The following HSPBP1 variants were observed in gnomAD, a reference collection of about 807,000 sequenced individuals.
HSPBP1 encodes hsp70-binding protein 1.
A neutral mutation model predicts 41.7 loss-of-function variants in HSPBP1; 31 were observed. That is an observed-to-expected ratio of 0.74 (90% confidence interval 0.56 to 1.00). HSPBP1 has a LOEUF of 1.00. Among genes scored for constraint, HSPBP1 ranks in the 50% least tolerant of loss-of-function variants. The pLI is 0.00. For synonymous variants in HSPBP1, 199 were observed against 214.4 expected (o/e 0.93, Z 0.63); for missense variants, 439 against 487.9 (o/e 0.90, Z 0.94).
chr19:55,277,711 C>T lies in HSPBP1; in HGVS notation c.346G>A (p.Asp116Asn), dbSNP rs113376650. Residue 116 changes from aspartate (D) to asparagine (N), a missense_variant, in exon 3 of 8, where the codon GAC becomes AAC. Asp to Asn is a conservative substitution (Grantham distance 23). Coordinates refer to ENST00000433386, the MANE Select transcript of HSPBP1 (RefSeq NM_012267.5). ...PTAGEAEQAA[D>N]QQEREGALEL... ...AGGGCCCCCTCTCGCTCTTGCTGGT[C>T]GGCCGCCTGCTCGGCCTCCCCAGCA... The T allele has an allele frequency of 4.2e-4, 668 of 1,604,392 alleles. 3 individuals are homozygous for T. In the African/African-American group the frequency reaches 6.6e-3, roughly 16 times the overall value.
chr19:55,262,486 C>A lies in HSPBP1; in HGVS notation c.*122G>T. The A allele has an allele frequency of 6.7e-7, 1 of 1,491,572 alleles. No individual in the cohort carries two copies. The highest frequency in any genetic ancestry group is 1.3e-5 in the South Asian group (1 of 75,542). 92.4% of individuals were successfully genotyped at this position (1,491,572 alleles called of 1,614,324 possible). Reference sequence around the variant, plus strand: ...CTTCCAGGGACTGCACAGAGACGGGCTGGCACACCCTGGGTCCAGGCACCT... The same window carrying A: ...CTTCCAGGGACTGCACAGAGACGGGATGGCACACCCTGGGTCCAGGCACCT... On this transcript the variant is annotated 3_prime_UTR_variant, in exon 8 of 8. Coordinates refer to ENST00000433386, the MANE Select transcript of HSPBP1 (RefSeq NM_012267.5).
rs1470956185 is a variant in HSPBP1, at chr19:55,272,372, G to C, written c.640+2026C>G. ...CTCGGGGACCTTGCAGCATATGAAAGGAGCCAGGCAGAAAAGGCCTCACGG... is the reference window on the plus strand; with the variant it reads ...CTCGGGGACCTTGCAGCATATGAAACGAGCCAGGCAGAAAAGGCCTCACGG... On this transcript the variant is annotated intron_variant, in intron 4 of 7. Transcript: ENST00000433386. The surrounding 1 kb of genome is among the most constrained non-coding windows in gnomAD (Gnocchi z 4.2). Among the ~76,000 whole-genome samples, 1 of 152,178 alleles carries C rather than the reference G, an allele frequency of 6.6e-6. No homozygotes were observed. The highest frequency in any genetic ancestry group is 2.4e-5 in the African/African-American group (1 of 41,462).
chr19:55,266,306 C>A lies in HSPBP1; in HGVS notation c.641-20G>T. On this transcript the variant is annotated intron_variant, in intron 4 of 7. Transcript: ENST00000433386. ...CCAGACCTGGGAGAGGGGGAAAGGT[C>A]CTGAGCTTGCAGTCACCACCACCAC... 1 of 1,552,414 alleles carries A rather than the reference C, an allele frequency of 6.4e-7. No individual in the cohort carries two copies. Among genetic ancestry groups the A allele is most frequent in the Non-Finnish European group, 8.7e-7 (1 of 1,147,290 alleles).
chr19:55,266,901 T>C (rs972702258), intron 4 of HSPBP1, among the ~76,000 whole-genome samples: 3 of 152,170 alleles, frequency 2.0e-5, no homozygotes, highest in African/African-American at 7.2e-5. Context: ...ACAGATATAC[T>C]TTCTTCCTTT....
chr19:55,271,577 G>A lies in HSPBP1; in HGVS notation c.640+2821C>T, dbSNP rs541524569. Among the ~76,000 whole-genome samples the A allele has an allele frequency of 1.2e-4, 19 of 152,098 alleles. No individual in the cohort carries two copies. In the South Asian group the frequency reaches 2.9e-3, roughly 23 times the overall value. ...CCTCATCAGAATGCTTCCTTCTTCC[G>A]GAATCTCCTCCTACCCAAACCCTCC... On this transcript the variant is annotated intron_variant, in intron 4 of 7. Coordinates refer to ENST00000433386, the MANE Select transcript of HSPBP1 (RefSeq NM_012267.5).
chr19:55,265,344 C>T lies in HSPBP1; in HGVS notation c.939G>A (p.Pro313=), dbSNP rs367906731. Residue 313 remains proline (P), a synonymous_variant, in exon 7 of 8, where the codon CCG becomes CCA. Transcript: ENST00000433386. ...FPQGVRECRE[P]ELGLEELLRH... ...GGAGGAGCTCCTCCAGGCCCAGTTC[C>T]GGCTCCCGACACTCGCGCACACCCT... is the stretch of plus-strand genomic sequence containing the variant. 6.8e-6 allele frequency: 11 copies of T among 1,613,266 alleles called. No individual in the cohort carries two copies. Among genetic ancestry groups the T allele is most frequent in the African/African-American group, 2.7e-5 (2 of 74,912 alleles).
At position 55,274,448 on chromosome 19, in the gene HSPBP1, T is replaced by C; in HGVS notation, c.590A>G (p.Asp197Gly). Residue 197 changes from aspartate (D) to glycine (G), a missense_variant, in exon 4 of 8, where the codon GAC (aspartate) becomes GGC (glycine). Coordinates refer to ENST00000433386, the MANE Select transcript of HSPBP1 (RefSeq NM_012267.5). ...GALRKLLRLL[D>G]RDACDTVRVK... ...GCGCACCGTGTCGCAGGCGTCGCGG[T>C]CCAGCAGCCGCAGCAGCTTACGCAG... 2 of 1,539,000 alleles carry C rather than the reference T, an allele frequency of 1.3e-6. No homozygotes were observed. The highest frequency in any genetic ancestry group is 8.8e-7 in the Non-Finnish European group (1 of 1,139,602).
intron 7 of HSPBP1, among the ~76,000 whole-genome samples, chr19:55,263,094 A>G (rs769312522): frequency 5.6e-4 from 85 of 152,248 alleles, no homozygotes; most frequent in Admixed American, 1.8e-3. Context: ...AGGTTGGAGA[A>G]AAATATTTGT....
rs1420064015 is a variant in HSPBP1, at chr19:55,272,832, C to CT, written c.640+1565dup. Among the ~76,000 whole-genome samples, 2 of 124,734 alleles carry CT rather than the reference C, an allele frequency of 1.6e-5. No homozygotes were observed. Among genetic ancestry groups the CT allele is most frequent in the African/African-American group, 6.5e-5 (2 of 30,776 alleles). The allele number at this position is 124,734 out of a possible 152,430, so 81.8% of individuals were successfully genotyped here. A position where few individuals can be genotyped will look rare whatever the true frequency, so the allele number is the denominator to read the frequency against. ...CAGCCTGGGTGACAAGAGCGAGACT[C>CT]TGTCTCAAAAAAAAAAAAAAGAAAG... On this transcript the variant is annotated intron_variant, in intron 4 of 7. Coordinates refer to ENST00000433386, the MANE Select transcript of HSPBP1 (RefSeq NM_012267.5). This position sits in a 1 kb window ranked among gnomAD's most constrained non-coding sequence, Gnocchi z 4.2.
In HSPBP1 at chr19:55,270,939, C is replaced by G. The variant is rs2087908740; in HGVS notation, c.640+3459G>C. ...ACACACCACACAACCCATGTACACG[C>G]TACACTAACACACGACACGCCAAAC... On this transcript the variant is annotated intron_variant, in intron 4 of 7. Transcript: ENST00000433386. This position sits in a 1 kb window ranked among gnomAD's most constrained non-coding sequence, Gnocchi z 5.4. Among the ~76,000 whole-genome samples, 1 of 150,802 alleles carries G rather than the reference C, an allele frequency of 6.6e-6. No homozygotes were observed.
rs1234720490 is a variant in HSPBP1 at position 55,265,878 on chromosome 19, CAA to C, written c.893+6_893+7del. ...CCCAGGCCCCGTCCTCTCAAGGAGC[CAA>C]AGTACCTGCACAGGGCTCCAAGCAC... On this transcript the variant is annotated splice_donor_region_variant and intron_variant, in intron 6 of 7. Coordinates refer to ENST00000433386, the MANE Select transcript of HSPBP1 (RefSeq NM_012267.5). 6.3e-7 allele frequency: 1 copy of C among 1,596,832 alleles called. No individual in the cohort carries two copies. The highest frequency in any genetic ancestry group is 1.1e-5 in the South Asian group (1 of 88,350).
At chr19:55,271,614 C>T (rs2087925632) in intron 4 of HSPBP1, among the ~76,000 whole-genome samples, 2 of 152,192 alleles carry the variant, frequency 1.3e-5, no homozygotes, top group Admixed American at 1.3e-4. Flanking sequence ...TGTTCTCCTC[C>T]CAGCCTCTGC....
Position 55,279,534 on chromosome 19 carries a change from C to T in HSPBP1, c.75G>A (p.Gly25=), listed in dbSNP as rs756527794. The change falls in exon 2 of 8, where the codon GGG becomes GGA. Residue 25 remains glycine, a synonymous_variant. Coordinates refer to ENST00000433386, the MANE Select transcript of HSPBP1 (RefSeq NM_012267.5). ...CAGCCGAGGAGCCGCCGCCGCCGCC[C>T]CCTGAAGAGCAACCCTGGGAGGCCG... ...LPPASQGCSS[G]GGGGGSSAGG... is the part of the protein sequence containing the mutation. 372 of 987,562 alleles carry T rather than the reference C, an allele frequency of 3.8e-4. 5 individuals carry two copies. The South Asian group carries it at 5.4e-3, about 14-fold the overall frequency. The allele number at this position is 987,562 out of a possible 1,614,324, so 61.2% of individuals were successfully genotyped here. A position where few individuals can be genotyped will look rare whatever the true frequency, so the allele number is the denominator to read the frequency against.
chr19:55,266,368 AACCACCATCACCAACATCATCATC>A (rs1466356842), intron 4 of HSPBP1, 82 bp from the exon 5 acceptor site: 75 of 1,169,236 alleles, frequency 6.4e-5, no homozygotes, highest in Non-Finnish European at 1.9e-5. Context: ...ACATCATCAC[AACCACCATCACCAACATCATCATC>A]ACCACCATCA....
intron 4 of HSPBP1, among the ~76,000 whole-genome samples, chr19:55,267,293 G>C (rs1036875131): frequency 6.6e-6 from 1 of 152,128 alleles, no homozygotes; most frequent in Non-Finnish European, 1.5e-5. Context: ...TGGGATTATA[G>C]TAACCTGCCA....
Position 55,274,521 on chromosome 19 carries a change from T to C in HSPBP1, c.517A>G (p.Ser173Gly), listed in dbSNP as rs779704098. 1 of 1,606,780 alleles carries C rather than the reference T, an allele frequency of 6.2e-7. No homozygotes were observed. Among genetic ancestry groups the C allele is most frequent in the African/African-American group, 1.3e-5 (1 of 74,852 alleles). ...WRAAQLIGTC[S>G]QNVAAIQEQV... ...TCCTGGATGGCTGCCACGTTCTGAC[T>C]GCACGTGCCGATGAGCTGTGCCGCC... The change falls in exon 4 of 8, where the codon AGT becomes GGT. Residue 173 changes from serine (S) to glycine (G), a missense_variant. Transcript: ENST00000433386.
In HSPBP1 at chr19:55,272,652, C is replaced by A. The variant is rs1022803077; in HGVS notation, c.640+1746G>T. ...GGTCAGGAGGTTGAGACCAGCCTGG[C>A]CAACAGGGTGAAACCCCGTCTCTAC... On this transcript the variant is annotated intron_variant, in intron 4 of 7. Transcript: ENST00000433386. This position sits in a 1 kb window ranked among gnomAD's most constrained non-coding sequence, Gnocchi z 4.2. 6.6e-6 allele frequency among the ~76,000 whole-genome samples: 1 copy of A among 151,864 alleles called. No homozygotes were observed. Among genetic ancestry groups the A allele is most frequent in the African/African-American group, 2.4e-5 (1 of 41,352 alleles).
intron 2 of HSPBP1, among the ~76,000 whole-genome samples, chr19:55,278,849 G>A (rs1248049476): frequency 6.6e-6 from 1 of 151,604 alleles, no homozygotes; most frequent in Non-Finnish European, 1.5e-5. Flanking sequence ...GGAAGTCAGA[G>A]GTTGCAGTGA....
chr19:55,274,346 C>CCCCCCCCCCCCCCCCCCCCCCCCCCAG, intron 4 of HSPBP1, 52 bp downstream of exon 4: 1 of 398,854 alleles, frequency 2.5e-6, no homozygotes, highest in Non-Finnish European at 4.4e-6. Flanking sequence ...GCCCACCCGG[C>CCCCCCCCCCCCCCCCCCCCCCCCCCAG]ACCCCCCCCC....
Sources: allele counts gnomAD v4.1 joint callset (sites outside exome capture counted in the v4.1 genomes callset), GRCh38; gene constraint gnomAD v4.1.1; non-coding constraint Gnocchi (gnomAD v3.1); transcripts MANE v1.5; gene names NCBI Gene and HGNC (gene_info 2026-07-23, HGNC 2026-07-21).